ELOA: variants seen among roughly 807,000 people sequenced by gnomAD.
ELOA encodes the protein elongin-A.
In ELOA, 15 loss-of-function variants were observed where a neutral mutation model predicts 85.2. That is an observed-to-expected ratio of 0.18 (90% CI 0.12 to 0.27). The LOEUF (loss-of-function observed/expected upper bound fraction) is 0.27, where lower values mean the gene tolerates loss of function less well. Among genes scored for constraint, ELOA ranks in the 10% least tolerant of loss-of-function variants. The probability of loss-of-function intolerance (pLI) is 1.00; values close to 1 mark genes in which losing one functional copy is unlikely to be tolerated. For synonymous variants in ELOA, 348 were observed against 357.2 expected (o/e 0.97, Z 0.29); for missense variants, 769 against 952.7 (o/e 0.81, Z 2.54).
At position 23,756,330 on chromosome 1, in the gene ELOA, C is replaced by T. The variant is rs778719155; in HGVS notation, c.2029C>T (p.Arg677Trp). ...NSVAKPPRDV[R>W]RRQEKFGTGG... ...TGTGGCCAAGCCACCTCGTGACGTC[C>T]GGAGGAGGCAGGAAAAGTTTGGAAC... The change falls in exon 9 of 11, where the codon CGG (arginine) becomes TGG (tryptophan). Residue 677 changes from arginine to tryptophan, a missense_variant. Physicochemically the swap from Arg to Trp is moderately radical, Grantham distance 101 (BLOSUM62 -3). This residue lies in a region of ELOA where 116 missense variants were observed against 141.0 expected (regional missense o/e 0.82). Transcript: ENST00000613537. The T allele has an allele frequency of 3.2e-6, 5 of 1,581,960 alleles. No homozygotes were observed. The highest frequency in any genetic ancestry group is 1.8e-5 in the Admixed American group (1 of 54,666).
chr1:23,746,194 C>G (rs1251836800), intron 1 of ELOA, among the ~76,000 whole-genome samples: 1 of 150,622 alleles, frequency 6.6e-6, no homozygotes, highest in Admixed American at 6.6e-5. Context: ...GAGGCTGAGG[C>G]AGGAGAACAC....
intron 5 of ELOA, among the ~76,000 whole-genome samples, chr1:23,753,267 T>G (rs552958025): frequency 6.6e-6 from 1 of 152,396 alleles, no homozygotes; most frequent in South Asian, 2.1e-4. Flanking sequence ...GCAAGTTATA[T>G]GACCTTGAGA....
Position 23,751,158 on chromosome 1 carries a change from A to G in ELOA, c.553A>G (p.Ser185Gly), listed in dbSNP as rs1644768482. Residue 185 changes from serine to glycine, a missense_variant, in exon 4 of 11, where the codon AGT (serine) becomes GGT (glycine). Physicochemically the swap from Ser to Gly is moderately conservative, Grantham distance 56. Transcript: ENST00000613537. ...GHVQSPPSCT[S>G]PHQMYVDHYR... The stretch of plus-strand genomic sequence containing the variant: ...TGTTCAATCCCCTCCATCTTGTACC[A>G]GTCCTCATCAGATGTACGTCGACCA... 1 of 1,614,148 alleles carries G rather than the reference A, an allele frequency of 6.2e-7. No individual in the cohort carries two copies. The highest frequency in any genetic ancestry group is 8.5e-7 in the Non-Finnish European group (1 of 1,180,044).
At chr1:23,755,457 A>T (rs577786631) in intron 7 of ELOA, among the ~76,000 whole-genome samples, 39 of 152,296 alleles carry the variant, frequency 2.6e-4, no homozygotes, top group African/African-American at 7.5e-4. Flanking sequence ...TTTTTGGGAA[A>T]CTGGTCACTC....
In ELOA at chr1:23,761,571, G is replaced by C. The variant is rs1638294312; in HGVS notation, c.*1998G>C. ...TAAAGATTTTTGATGAGCCCTGTTT[G>C]CATAGAGCCAGATGTTTTCCCCTCC... On this transcript the variant is annotated 3_prime_UTR_variant, in exon 11 of 11. Coordinates refer to ENST00000613537, the MANE Select transcript of ELOA (RefSeq NM_003198.3). The C allele has an allele frequency of 6.6e-6, 1 of 152,122 alleles. No homozygotes were observed. Among genetic ancestry groups the C allele is most frequent in the African/African-American group, 2.4e-5 (1 of 41,428 alleles). 9.4% of individuals were successfully genotyped at this position (152,122 alleles called of 1,614,324 possible).
rs1638283795 is a variant in ELOA at position 23,760,938 on chromosome 1, C to T, written c.*1365C>T. 6.6e-6 allele frequency: 1 copy of T among 152,100 alleles called. No homozygotes were observed. Among genetic ancestry groups the T allele is most frequent in the Non-Finnish European group, 1.5e-5 (1 of 68,036 alleles). 9.4% of individuals were successfully genotyped at this position (152,100 alleles called of 1,614,324 possible). On this transcript the variant is annotated 3_prime_UTR_variant, in exon 11 of 11. Coordinates refer to ENST00000613537, the MANE Select transcript of ELOA (RefSeq NM_003198.3). ...GACCCAGGTAGAGGTAGATGCCATA[C>T]ATTTGAGATATGCGTCCTTAAGGAA...
In ELOA at chr1:23,751,004, T is replaced by A. The variant is rs755357772; in HGVS notation, c.399T>A (p.His133Gln). Residue 133 changes from histidine to glutamine, a missense_variant, in exon 4 of 11, where the codon CAT becomes CAA. Around this residue, in one of 4 missense-constraint regions of ELOA, gnomAD observed 440 missense variants for 474.0 expected, o/e 0.93. Transcript: ENST00000613537. ...GCCCTGACCACAGGCAGAAGAAACA[T>A]AGGAAACTCTCGGAGCTCGAGAGAC... is the stretch of plus-strand genomic sequence containing the variant. ...SYSPDHRQKK[H>Q]RKLSELERPH... 1.2e-6 allele frequency: 2 copies of A among 1,613,754 alleles called. No homozygotes were observed. The highest frequency in any genetic ancestry group is 1.7e-6 in the Non-Finnish European group (2 of 1,179,972).
chr1:23,758,313 G>A (rs867696198), intron 10 of ELOA, among the ~76,000 whole-genome samples: 1 of 100,538 alleles, frequency 9.9e-6, no homozygotes, highest in Admixed American at 1.6e-4. Flanking sequence ...TCACTCTGTC[G>A]CCTGGGCTGG....
At chr1:23,757,413 C>T (rs1475069266) in intron 10 of ELOA, among the ~76,000 whole-genome samples, 1 of 152,118 alleles carries the variant, frequency 6.6e-6, no homozygotes, top group East Asian at 1.9e-4. Flanking sequence ...CAAGACCAGC[C>T]TGGACAACAT....
At position 23,751,287 on chromosome 1, in the gene ELOA, C is replaced by A. The variant is rs1644769336; in HGVS notation, c.682C>A (p.Arg228=). 2 of 1,614,192 alleles carry A rather than the reference C, an allele frequency of 1.2e-6. No homozygotes were observed. The highest frequency in any genetic ancestry group is 1.7e-6 in the Non-Finnish European group (2 of 1,180,038). Residue 228 remains arginine, a synonymous_variant, in exon 4 of 11, where the codon CGA becomes AGA. Coordinates refer to ENST00000613537, the MANE Select transcript of ELOA (RefSeq NM_003198.3). ...FQDRLGASQE[R]HLGEPHGKGV... is the part of the protein sequence containing the mutation. ...GGACAGACTCGGGGCCAGCCAAGAA[C>A]GACACCTGGGTGAACCCCATGGGAA...
At chr1:23,748,623 G>A (rs1644756673) in intron 1 of ELOA, among the ~76,000 whole-genome samples, 1 of 152,132 alleles carries the variant, frequency 6.6e-6, no homozygotes, top group South Asian at 2.1e-4. Context: ...CTTCCTCTGT[G>A]CCAGGTCCAT....
chr1:23,757,623 C>G (rs1644800708), intron 10 of ELOA, among the ~76,000 whole-genome samples: 1 of 152,054 alleles, frequency 6.6e-6, no homozygotes, highest in Admixed American at 6.5e-5. Context: ...CTCAGCCTCC[C>G]AAGTAGCTAG....
chr1:23,759,506 T>G lies in ELOA; in HGVS notation c.2258-6T>G. 6.2e-7 allele frequency: 1 copy of G among 1,614,200 alleles called. No individual in the cohort carries two copies. Among genetic ancestry groups the G allele is most frequent in the Non-Finnish European group, 8.5e-7 (1 of 1,180,016 alleles). ...TGAGACAGCTGCCTTGTTTCTCTTT[T>G]CACAGAAATTGCCCCAATGATGGCC... On this transcript the variant is annotated splice_region_variant and splice_polypyrimidine_tract_variant and intron_variant, in intron 10 of 10. Transcript: ENST00000613537.
intron 5 of ELOA, 123 bp from the exon 6 acceptor site, chr1:23,753,977 A>G: frequency 8.2e-7 from 1 of 1,214,660 alleles, no homozygotes; most frequent in Non-Finnish European, 1.1e-6. Context: ...AATTCTCTGG[A>G]AGGATCTACA....
intron 7 of ELOA, 63 bp from the exon 8 acceptor site, chr1:23,755,779 CA>C (rs371132818): frequency 0.21 from 214,981 of 1,028,944 alleles, 133 homozygotes; most frequent in Middle Eastern, 0.27. Context: ...GACTCTGTCT[CA>C]AAAAAAAAAA....
At position 23,751,250 on chromosome 1, in the gene ELOA, C is replaced by A; in HGVS notation, c.645C>A (p.Ser215Arg). 5.0e-6 allele frequency: 8 copies of A among 1,614,220 alleles called. No homozygotes were observed. Among genetic ancestry groups the A allele is most frequent in the Non-Finnish European group, 6.8e-6 (8 of 1,180,048 alleles). Residue 215 changes from serine to arginine, a missense_variant, in exon 4 of 11, where the codon AGC becomes AGA. By Grantham distance (110) the Ser-to-Arg change is moderately radical. This residue lies in a region of ELOA where 440 missense variants were observed against 474.0 expected (regional missense o/e 0.93). Transcript: ENST00000613537. ...VSHQKPGKGHSNAFQDRLGAS... is the reference protein window; with the variant it reads ...VSHQKPGKGHRNAFQDRLGAS... ...ACCAGAAGCCTGGGAAAGGCCACAGCAATGCCTTTCAGGACAGACTCGGGG... is the reference window on the plus strand; with the variant it reads ...ACCAGAAGCCTGGGAAAGGCCACAGAAATGCCTTTCAGGACAGACTCGGGG...
chr1:23,743,645 C>A, intron 1 of ELOA, 67 bp downstream of exon 1: 2 of 1,391,594 alleles, frequency 1.4e-6, no homozygotes, highest in Non-Finnish European at 1.9e-6. Flanking sequence ...ACGGTCGCGG[C>A]CCGAGCGTGG....
At chr1:23,744,964 G>A (rs1644740204) in intron 1 of ELOA, among the ~76,000 whole-genome samples, 1 of 152,138 alleles carries the variant, frequency 6.6e-6, no homozygotes, top group African/African-American at 2.4e-5. Flanking sequence ...TTCTTGAAGA[G>A]CCACTTTCTC....
Position 23,755,925 on chromosome 1 carries a change from C to T in ELOA, c.1874C>T (p.Ser625Leu), listed in dbSNP as rs373604867. Residue 625 changes from serine (S) to leucine (L), a missense_variant, in exon 8 of 11, where the codon TCG becomes TTG. Ser to Leu is a moderately radical substitution (Grantham distance 145). Around this residue, in one of 4 missense-constraint regions of ELOA, gnomAD observed 20 missense variants for 58.8 expected, o/e 0.34. Transcript: ENST00000613537. ...FKEERPEEYESWREMYLRLQD... is the reference protein window; with the variant it reads ...FKEERPEEYELWREMYLRLQD... ...GAAGAAAGACCCGAAGAGTATGAGT[C>T]GTGGCGAGAGATGTACCTGCGGCTT... The T allele has an allele frequency of 2.5e-6, 4 of 1,613,604 alleles. No homozygotes were observed. Among genetic ancestry groups the T allele is most frequent in the African/African-American group, 1.3e-5 (1 of 74,732 alleles).
Sources: gnomAD v4.1 joint callset for allele counts (sites outside exome capture counted in the v4.1 genomes callset) on GRCh38, gnomAD v4.1.1 for gene constraint, gnomAD v4.1.1 regional missense constraint, MANE v1.5 for transcripts, NCBI Gene and HGNC (gene_info 2026-07-23, HGNC 2026-07-21) for gene names.